CXCL13: variants seen among roughly 807,000 people sequenced by gnomAD.
The protein encoded by CXCL13 is C-X-C motif chemokine ligand 13.
Under a neutral mutation model 12.2 loss-of-function variants are expected in CXCL13, and 7 were observed. The observed-to-expected ratio is 0.57, with a 90% CI of 0.33 to 1.07. The LOEUF (loss-of-function observed/expected upper bound fraction) is 1.07. Ranked by LOEUF, CXCL13 falls within the 50% of genes least tolerant of loss-of-function variation. The pLI is 0.04. For synonymous variants in CXCL13, 47 were observed against 42.4 expected (o/e 1.11, Z -0.42); for missense variants, 113 against 127.4 (o/e 0.89, Z 0.55).
At chr4:77,535,035 A>C (rs1052857683) in intron 1 of CXCL13, among the ~76,000 whole-genome samples, 2 of 152,238 alleles carry the variant, frequency 1.3e-5, no homozygotes, top group African/African-American at 2.4e-5. Flanking sequence ...AAGGAGAAAC[A>C]CCAAGCATGG....
intron 1 of CXCL13, among the ~76,000 whole-genome samples, chr4:77,599,339 C>T (rs1480174141): frequency 2.0e-5 from 3 of 152,080 alleles, no homozygotes; most frequent in African/African-American, 7.2e-5. Flanking sequence ...TACTTTAAAT[C>T]ATCTCTAGAT....
chr4:77,602,343 A>G (rs924451953), upstream of CXCL13, among the ~76,000 whole-genome samples: 5 of 152,194 alleles, frequency 3.3e-5, no homozygotes, highest in Non-Finnish European at 7.3e-5. Flanking sequence ...TCTATGCATC[A>G]TTTTCTGAGG....
chr4:77,581,668 C>A (rs1361474231), intron 1 of CXCL13, among the ~76,000 whole-genome samples: 1 of 152,010 alleles, frequency 6.6e-6, no homozygotes, highest in Non-Finnish European at 1.5e-5. Flanking sequence ...TGCCATGTAC[C>A]TTCTCTCTTT....
chr4:77,527,537 T>G (rs1724797272), intron 1 of CXCL13, among the ~76,000 whole-genome samples: 1 of 151,746 alleles, frequency 6.6e-6, no homozygotes, highest in Admixed American at 6.6e-5. Flanking sequence ...GAGGCTGAGG[T>G]GGGAGGATCA....
intron 1 of CXCL13, among the ~76,000 whole-genome samples, chr4:77,575,123 A>G (rs1489087067): frequency 6.6e-6 from 1 of 151,946 alleles, no homozygotes; most frequent in African/African-American, 2.4e-5. Context: ...AAGCATTGAA[A>G]TAAAAACACA....
chr4:77,602,006 G>A (rs187028837), upstream of CXCL13, among the ~76,000 whole-genome samples: 195 of 152,310 alleles, frequency 1.3e-3, no homozygotes, highest in African/African-American at 4.4e-3. Context: ...TGTGTTAACA[G>A]GATACAGTAA....
intron 1 of CXCL13, among the ~76,000 whole-genome samples, chr4:77,558,733 A>G (rs1205970538): frequency 1.3e-5 from 2 of 152,212 alleles, no homozygotes; most frequent in Non-Finnish European, 2.9e-5. Context: ...TTCCCATACC[A>G]CGTGTCAGGG....
rs1429230794 is a variant in CXCL13, at chr4:77,580,408, C to G, written c.-42-25416C>G. On this transcript the variant is annotated intron_variant, in intron 1 of 4. Transcript: ENST00000286758. ...GTGGTGCAATCTTGGCTCACTGCAA[C>G]CTCTGCCTCCCGGGTTCAAGCAATT... Among the ~76,000 whole-genome samples the G allele has an allele frequency of 2.0e-4, 26 of 131,352 alleles. No homozygotes were observed. In the Admixed American group the frequency reaches 2.3e-3, roughly 11 times the overall value. The allele number at this position is 131,352 out of a possible 152,430, so 86.2% of individuals were successfully genotyped here.
At chr4:77,537,003 AAAAATT>A (rs1725074061) in intron 1 of CXCL13, among the ~76,000 whole-genome samples, 1 of 152,216 alleles carries the variant, frequency 6.6e-6, no homozygotes, top group African/African-American at 2.4e-5. Flanking sequence ...CTTCCATTCA[AAAAATT>A]AAAATCCAAG....
At chr4:77,577,354 A>C (rs1013535451) in intron 1 of CXCL13, among the ~76,000 whole-genome samples, 3 of 151,758 alleles carry the variant, frequency 2.0e-5, no homozygotes, top group Non-Finnish European at 4.4e-5. Flanking sequence ...AGTTCATCCA[A>C]CCCCCACCAA....
intron 1 of CXCL13, among the ~76,000 whole-genome samples, chr4:77,547,169 C>T (rs1011846814): frequency 3.9e-5 from 6 of 152,154 alleles, no homozygotes; most frequent in African/African-American, 1.2e-4. Flanking sequence ...CCTATGTGGT[C>T]AATTTTGGTA....
chr4:77,519,334 T>A lies in CXCL13; in HGVS notation c.-43+7546T>A, dbSNP rs578249111. On this transcript the variant is annotated intron_variant, in intron 1 of 4. Coordinates refer to the CXCL13 transcript ENST00000286758. ...GTTCTCTTCAAAGCTCAGATGGAAA[T>A]GCAGAAATCACCCGTCTTCTGCGTC... 2.6e-5 allele frequency among the ~76,000 whole-genome samples: 4 copies of A among 152,280 alleles called. No individual in the cohort carries two copies. In the South Asian group the frequency reaches 8.3e-4, roughly 32 times the overall value.
At chr4:77,571,995 G>A (rs533648892) in intron 1 of CXCL13, among the ~76,000 whole-genome samples, 4 of 151,868 alleles carry the variant, frequency 2.6e-5, no homozygotes, top group East Asian at 1.9e-4. Context: ...GCAAGACCAC[G>A]AACCCACCAG....
Position 77,541,735 on chromosome 4 carries a change from T to A in CXCL13, c.-43+29947T>A, listed in dbSNP as rs149441431. ...GTTCCAAATGAAGTTTAGAGTAGTT[T>A]TTTCTAGTTCTGTGAAAAATTAAAT... On this transcript the variant is annotated intron_variant, in intron 1 of 4. Transcript: ENST00000286758. Among the ~76,000 whole-genome samples the A allele has an allele frequency of 2.0e-5, 3 of 152,294 alleles. No homozygotes were observed. In the East Asian group the frequency reaches 5.8e-4, roughly 29 times the overall value.
intron 1 of CXCL13, among the ~76,000 whole-genome samples, chr4:77,557,048 G>A (rs1299400065): frequency 1.3e-5 from 2 of 151,558 alleles, no homozygotes; most frequent in Admixed American, 6.6e-5. Context: ...GAGAGAGAGA[G>A]AGAAAAGAAA....
At chr4:77,535,492 C>T (rs1725038424) in intron 1 of CXCL13, among the ~76,000 whole-genome samples, 3 of 152,166 alleles carry the variant, frequency 2.0e-5, no homozygotes, top group Admixed American at 1.3e-4. Context: ...GACATTCTTA[C>T]CATGAAGTGA....
intron 1 of CXCL13, among the ~76,000 whole-genome samples, chr4:77,531,759 G>A (rs1724924345): frequency 6.6e-6 from 1 of 152,202 alleles, no homozygotes; most frequent in African/African-American, 2.4e-5. Context: ...ATTTAGGATA[G>A]TTAGCTCTTC....
intron 1 of CXCL13, among the ~76,000 whole-genome samples, chr4:77,526,229 C>A (rs1266394650): frequency 4.0e-5 from 6 of 151,434 alleles, no homozygotes; most frequent in African/African-American, 1.2e-4. Flanking sequence ...TGTTTCATGG[C>A]AAATATTAAA....
At position 77,559,648 on chromosome 4, in the gene CXCL13, C is replaced by T. The variant is rs751630950; in HGVS notation, c.-42-46176C>T. Reference sequence around the variant, plus strand: ...AGTAAAACCTGACACTCTGGCCAGGCGCAGTGGCTCACACCTGTAATCCCA... The same window carrying T: ...AGTAAAACCTGACACTCTGGCCAGGTGCAGTGGCTCACACCTGTAATCCCA... On this transcript the variant is annotated intron_variant, in intron 1 of 4. Transcript: ENST00000286758. Among the ~76,000 whole-genome samples, 9 of 151,862 alleles carry T rather than the reference C, an allele frequency of 5.9e-5. No individual in the cohort carries two copies. In the East Asian group the frequency reaches 7.8e-4, roughly 13 times the overall value.
Sources: gnomAD v4.1 joint callset for allele counts (sites outside exome capture counted in the v4.1 genomes callset) on GRCh38, gnomAD v4.1.1 for gene constraint, MANE v1.5 for transcripts, NCBI Gene and HGNC (gene_info 2026-07-23, HGNC 2026-07-21) for gene names.